Variants in ASMT observed in about 807,000 individuals in gnomAD.
ASMT encodes acetylserotonin N-methyltransferase.
Under a neutral mutation model 41.3 loss-of-function variants are expected in ASMT, and 53 were observed. The observed-to-expected ratio is 1.28, with a 90% CI of 1.03 to 1.61. ASMT has a LOEUF of 1.61. Among genes scored for constraint, ASMT ranks in the 40% most tolerant of loss-of-function variants. The pLI, the probability that ASMT is intolerant of heterozygous loss-of-function variation, is 0.00. For synonymous variants in ASMT, 231 were observed against 184.8 expected (o/e 1.25, Z -2.03); for missense variants, 531 against 441.3 (o/e 1.20, Z -1.82).
chrX:1,623,031 A>T, intron 1 of ASMT, 108 bp from the exon 2 acceptor site: 1 of 1,080,334 alleles, frequency 9.3e-7, no homozygotes, highest in Non-Finnish European at 1.4e-6. Flanking sequence ...ATAAGAATAT[A>T]AATAAAACAA....
At position 1,641,981 on chromosome X, in the gene ASMT, C is replaced by T. The variant is rs772750077; in HGVS notation, c.911-822C>T. Among the ~76,000 whole-genome samples the T allele has an allele frequency of 2.0e-3, 278 of 136,784 alleles. 8 individuals carry two copies. The highest frequency in any genetic ancestry group is 3.8e-3 in the Non-Finnish European group (243 of 63,702). 89.7% of individuals were successfully genotyped at this position (136,784 alleles called of 152,430 possible). On this transcript the variant is annotated intron_variant, in intron 8 of 8. Transcript: ENST00000381241. ...CCAGTGTCTGTGAGGTCCACCCATC[C>T]GATGGTTCATGAGGACGTGGGCACA...
At chrX:1,633,414 T>A in intron 7 of ASMT, 124 bp downstream of exon 7, 2 of 1,109,148 alleles carry the variant, frequency 1.8e-6, no homozygotes, top group Middle Eastern at 2.2e-4. Flanking sequence ...CACCCTCAAC[T>A]CAACACTGTC....
At chrX:1,618,009 G>GC (rs1179416498) in intron 1 of ASMT, among the ~76,000 whole-genome samples, 5 of 151,502 alleles carry the variant, frequency 3.3e-5, no homozygotes, top group African/African-American at 1.2e-4. Context: ...TTACCTCTAG[G>GC]CCCCCAAGGG....
At chrX:1,629,368 C>A (rs1373796725) in intron 4 of ASMT, among the ~76,000 whole-genome samples, 2 of 152,072 alleles carry the variant, frequency 1.3e-5, no homozygotes, top group African/African-American at 2.4e-5. Flanking sequence ...AGAGCCCTGT[C>A]CGCCTCTGTG....
At chrX:1,634,036 G>C (rs1402270700) in intron 7 of ASMT, among the ~76,000 whole-genome samples, 1 of 152,004 alleles carries the variant, frequency 6.6e-6, no homozygotes, top group Admixed American at 6.6e-5. Context: ...GCCTCCCAAA[G>C]TGCTGGGATT....
chrX:1,617,858 T>A (rs1184613192), intron 1 of ASMT, among the ~76,000 whole-genome samples: 1 of 151,946 alleles, frequency 6.6e-6, no homozygotes, highest in Non-Finnish European at 1.5e-5. Context: ...CAGGTGATCC[T>A]CCTGGCCCCC....
intron 1 of ASMT, among the ~76,000 whole-genome samples, chrX:1,615,584 C>G (rs1374132152): frequency 6.6e-6 from 1 of 151,984 alleles, no homozygotes; most frequent in African/African-American, 2.4e-5. Context: ...GGGCGGATCA[C>G]CTGAGGTCGG....
At chrX:1,629,770 G>C (rs1430512522) in intron 4 of ASMT, 51 bp from the exon 5 acceptor site, 2 of 1,557,056 alleles carry the variant, frequency 1.3e-6, no homozygotes, top group African/African-American at 2.7e-5. Context: ...CCTTGCTCTG[G>C]GCACGTCCCC....
intron 2 of ASMT, 159 bp downstream of exon 2, chrX:1,623,472 A>T: frequency 2.8e-6 from 1 of 354,900 alleles, no homozygotes; most frequent in Non-Finnish European, 3.9e-6. Flanking sequence ...GGTGGCGTGC[A>T]CCTGTCATCC....
intron 8 of ASMT, among the ~76,000 whole-genome samples, chrX:1,641,911 T>C (rs1339502218): frequency 1.3e-5 from 2 of 148,292 alleles, no homozygotes; most frequent in Admixed American, 7.0e-5. Context: ...TGATGGTCCA[T>C]GAGGATGTGG....
intron 8 of ASMT, among the ~76,000 whole-genome samples, chrX:1,641,546 GTT>G (rs1491436330): frequency 6.9e-6 from 1 of 144,108 alleles, no homozygotes; most frequent in Non-Finnish European, 1.5e-5. Context: ...CAGTGTCCCA[GTT>G]CTCCTGTGAG....
Position 1,642,511 on chromosome X carries a change from G to T in ASMT, c.911-292G>T, listed in dbSNP as rs1260721410. Among the ~76,000 whole-genome samples the T allele has an allele frequency of 4.1e-5, 6 of 147,434 alleles. No homozygotes were observed. In the South Asian group the frequency reaches 1.3e-3, roughly 32 times the overall value. The stretch of plus-strand genomic sequence containing the variant: ...ATGAGGATGTGGGCACAGCCTCTGT[G>T]TGTGTGTGATGGGGACGGTGTCCCA... On this transcript the variant is annotated intron_variant, in intron 8 of 8. Coordinates refer to ENST00000381241, the MANE Select transcript of ASMT (RefSeq NM_001171038.2).
intron 1 of ASMT, among the ~76,000 whole-genome samples, chrX:1,616,927 C>G (rs763830316): frequency 2.4e-4 from 36 of 151,970 alleles, no homozygotes; most frequent in African/African-American, 8.2e-4. Context: ...CCAGGATGGT[C>G]TCGATCTCCT....
Position 1,623,114 on chromosome X carries a change from C to G in ASMT, c.70-25C>G, listed in dbSNP as rs202095675. ...GGTTCCCAGGAGGCTGAGCCCTGAC[C>G]TTTTATTTCCGCTCCTGCTCCAAGG... On this transcript the variant is annotated intron_variant, in intron 1 of 8. Coordinates refer to ENST00000381241, the MANE Select transcript of ASMT (RefSeq NM_001171038.2). 23 of 1,611,988 alleles carry G rather than the reference C, an allele frequency of 1.4e-5. No individual in the cohort carries two copies. In the East Asian group the frequency reaches 5.1e-4, roughly 36 times the overall value.
intron 8 of ASMT, among the ~76,000 whole-genome samples, chrX:1,641,537 A>C (rs368800834): frequency 3.5e-4 from 49 of 139,532 alleles, no homozygotes; most frequent in Non-Finnish European, 6.5e-4. Context: ...TGTTGGGGAC[A>C]GTGTCCCAGT....
chrX:1,630,064 A>G, intron 5 of ASMT, 125 bp downstream of exon 5: 1 of 904,290 alleles, frequency 1.1e-6, no homozygotes, highest in Non-Finnish European at 1.9e-6. Context: ...CTGGTCTTAG[A>G]GGAATCATTC....
At chrX:1,628,310 A>G (rs779601507) in intron 4 of ASMT, among the ~76,000 whole-genome samples, 1 of 152,334 alleles carries the variant, frequency 6.6e-6, no homozygotes, top group South Asian at 2.1e-4. Flanking sequence ...AACAAGAGTG[A>G]AACTCCATCT....
At chrX:1,615,365 C>A in intron 1 of ASMT, 97 bp downstream of exon 1, 1 of 1,189,524 alleles carries the variant, frequency 8.4e-7, no homozygotes, top group South Asian at 1.3e-5. Context: ...GAGTCTCCAT[C>A]ATTTTAGGAG....
intron 1 of ASMT, among the ~76,000 whole-genome samples, chrX:1,620,967 G>C (rs1359482788): frequency 6.6e-6 from 1 of 151,734 alleles, no homozygotes; most frequent in Admixed American, 6.6e-5. Flanking sequence ...GTGGTGGCAC[G>C]TGCCTGTAAT....
Sources: gnomAD v4.1 joint callset for allele counts (sites outside exome capture counted in the v4.1 genomes callset) on GRCh38, gnomAD v4.1.1 for gene constraint, MANE v1.5 for transcripts, NCBI Gene and HGNC (gene_info 2026-07-23, HGNC 2026-07-21) for gene names.